Variants in CTR9 observed in about 807,000 individuals in gnomAD.
The protein encoded by CTR9 is RNA polymerase-associated protein CTR9 homolog.
Under a neutral mutation model 152.1 loss-of-function variants are expected in CTR9, and 41 were observed. The observed-to-expected ratio is 0.27, with a 90% CI of 0.21 to 0.35. The LOEUF (loss-of-function observed/expected upper bound fraction) is 0.35. CTR9 is among the 10% of genes least tolerant of loss of function. The pLI, the probability that CTR9 is intolerant of heterozygous loss-of-function variation, is 1.00. For missense variants in CTR9, 917 were observed against 1,424.4 expected (o/e 0.64, Z 5.73); for synonymous variants, 476 against 496.2 (o/e 0.96, Z 0.54).
rs570413189 is a variant in CTR9 at position 10,772,672 on chromosome 11, A to G, written c.2580+17A>G. 26 of 1,579,000 alleles carry G rather than the reference A, an allele frequency of 1.6e-5. No individual in the cohort carries two copies. The Admixed American group carries it at 3.5e-4, about 21-fold the overall frequency. ...AAAGAACAGGTATCTTGTATTTTCC[A>G]GTTATACTGGAATTAATGAATTGTG... On this transcript the variant is annotated intron_variant, in intron 20 of 24. Transcript: ENST00000361367.
At chr11:10,775,333 C>T in intron 23 of CTR9, 30 bp downstream of exon 23, 1 of 1,577,200 alleles carries the variant, frequency 6.3e-7, no homozygotes. Context: ...TTTTTCTGTC[C>T]CCTAGTAGAT....
chr11:10,754,001 C>G (rs947161420), intron 2 of CTR9, among the ~76,000 whole-genome samples: 2 of 152,112 alleles, frequency 1.3e-5, no homozygotes, highest in Admixed American at 6.6e-5. Context: ...TATGAAATTC[C>G]TTTCATGGTA....
intron 1 of CTR9, among the ~76,000 whole-genome samples, chr11:10,752,048 A>G (rs1282583440): frequency 6.6e-6 from 1 of 152,134 alleles, no homozygotes; most frequent in East Asian, 1.9e-4. Context: ...TGTCTGAGTA[A>G]AGCTCTCAGC....
intron 16 of CTR9, among the ~76,000 whole-genome samples, chr11:10,769,389 C>G (rs759495778): frequency 1.3e-5 from 2 of 152,036 alleles, no homozygotes; most frequent in African/African-American, 4.8e-5. Context: ...ATATTATGGT[C>G]AGAAAGGAAA....
Position 10,764,135 on chromosome 11 carries a change from A to C in CTR9, c.1218A>C (p.Glu406Asp), listed in dbSNP as rs751566170. ...AGGGCCATTTGAAGAAGGTCACAGA[A>C]CAGTATCCCGATGATGTTGAAGCTT... Reference protein sequence around the residue: ...IAKGHLKKVTEQYPDDVEAWI... With the variant: ...IAKGHLKKVTDQYPDDVEAWI... Residue 406 changes from glutamate to aspartate, a missense_variant, in exon 10 of 25, where the codon GAA (glutamate) becomes GAC (aspartate). By Grantham distance (45) the Glu-to-Asp change is conservative. This residue lies in a region of CTR9 where 133 missense variants were observed against 244.1 expected (regional missense o/e 0.54). Transcript: ENST00000361367. 4 of 1,614,076 alleles carry C rather than the reference A, an allele frequency of 2.5e-6. No individual in the cohort carries two copies. Among genetic ancestry groups the C allele is most frequent in the African/African-American group, 2.7e-5 (2 of 74,952 alleles).
chr11:10,760,024 TGTGATAG>T, intron 5 of CTR9, 142 bp from the exon 6 acceptor site: 2 of 780,246 alleles, frequency 2.6e-6, no homozygotes, highest in Non-Finnish European at 4.1e-6. Flanking sequence ...AAACCAAGTT[TGTGATAG>T]GTCAAAAGAT....
In CTR9 at chr11:10,770,328, TA is replaced by T. The variant is rs778088956; in HGVS notation, c.2226+7del. 3 of 1,610,748 alleles carry T rather than the reference TA, an allele frequency of 1.9e-6. No homozygotes were observed. Among genetic ancestry groups the T allele is most frequent in the South Asian group, 2.2e-5 (2 of 90,532 alleles). On this transcript the variant is annotated splice_donor_region_variant and intron_variant, in intron 17 of 24. Transcript: ENST00000361367. ...GAATGCAAACAGACTTTGCTGAAGG[TA>T]AAAAGGAGAGATGTTATTCCCATCC...
intron 23 of CTR9, 69 bp from the exon 24 acceptor site, chr11:10,775,452 C>T (rs1863217336): frequency 7.0e-7 from 1 of 1,436,424 alleles, no homozygotes; most frequent in Non-Finnish European, 9.7e-7. Context: ...CATTGTAATG[C>T]AAACCCAATT....
chr11:10,773,313 C>A (rs1467504190), intron 21 of CTR9, 40 bp downstream of exon 21: 1 of 1,595,364 alleles, frequency 6.3e-7, no homozygotes, highest in Non-Finnish European at 8.5e-7. Context: ...ACCTCATTCT[C>A]TGTCTTTTGG....
chr11:10,770,564 C>T lies in CTR9; in HGVS notation c.2304C>T (p.Val768=). 2.5e-6 allele frequency: 4 copies of T among 1,613,856 alleles called. No individual in the cohort carries two copies. Among genetic ancestry groups the T allele is most frequent in the Non-Finnish European group, 3.4e-6 (4 of 1,179,922 alleles). The part of the protein sequence containing the change: ...ALVLQRLATS[V]LKDEKSNLKE... ...TCCTGCAAAGATTAGCTACCTCTGT[C>T]CTGAAAGATGAAAAAAGTAATCTGA... The change falls in exon 18 of 25, where the codon GTC becomes GTT. Residue 768 remains valine (V), a synonymous_variant. Transcript: ENST00000361367.
At chr11:10,753,166 T>C (rs528952160) in intron 2 of CTR9, among the ~76,000 whole-genome samples, 1 of 152,332 alleles carries the variant, frequency 6.6e-6, no homozygotes, top group South Asian at 2.1e-4. Context: ...AGAATGTGAT[T>C]AGGTTCTGGG....
chr11:10,775,796 T>C (rs1863224531), intron 24 of CTR9, among the ~76,000 whole-genome samples, 163 bp downstream of exon 24: 1 of 152,196 alleles, frequency 6.6e-6, no homozygotes, highest in African/African-American at 2.4e-5. Flanking sequence ...AATAGATAAC[T>C]GGGAGTGTTG....
Position 10,764,640 on chromosome 11 carries a change from T to A in CTR9, c.1506T>A (p.Asn502Lys). 6.2e-7 allele frequency: 1 copy of A among 1,613,628 alleles called. No individual in the cohort carries two copies. Among genetic ancestry groups the A allele is most frequent in the Non-Finnish European group, 8.5e-7 (1 of 1,179,656 alleles). ...CCATTTCCGTTACCACGTCATATAA[T>A]CTCGCCAGGCTATATGAGGCGATGT... ...YNAISVTTSY[N>K]LARLYEAMCE... Residue 502 changes from asparagine (N) to lysine (K), a missense_variant, in exon 12 of 25, where the codon AAT becomes AAA. Asn to Lys is a moderately conservative substitution (Grantham distance 94). This residue lies in a region of CTR9 where 133 missense variants were observed against 244.1 expected (regional missense o/e 0.54). Transcript: ENST00000361367.
At chr11:10,756,175 G>C (rs1433950170) in intron 4 of CTR9, among the ~76,000 whole-genome samples, 1 of 152,082 alleles carries the variant, frequency 6.6e-6, no homozygotes, top group East Asian at 1.9e-4. Flanking sequence ...AAGAGTAATT[G>C]GTTATACACT....
At position 10,775,294 on chromosome 11, in the gene CTR9, G is replaced by T; in HGVS notation, c.2973G>T (p.Lys991Asn). 1 of 1,613,766 alleles carries T rather than the reference G, an allele frequency of 6.2e-7. No individual in the cohort carries two copies. Among genetic ancestry groups the T allele is most frequent in the South Asian group, 1.1e-5 (1 of 91,036 alleles). The stretch of plus-strand genomic sequence containing the variant: ...AACGACGTCCACCAAAAGCAGAGAA[G>T]AAAAAGGCTGTAAGTTTATAGTACT... ...PKKRRPPKAE[K>N]KKAPKPERLP... The change falls in exon 23 of 25, where the codon AAG becomes AAT. Residue 991 changes from lysine to asparagine, a missense_variant. This residue lies in a region of CTR9 where 384 missense variants were observed against 398.4 expected (regional missense o/e 0.96). Coordinates refer to ENST00000361367, the MANE Select transcript of CTR9 (RefSeq NM_014633.5).
chr11:10,751,307 T>G lies in CTR9; in HGVS notation c.-106T>G, dbSNP rs919795028. 6.4e-6 allele frequency: 8 copies of G among 1,242,760 alleles called. No individual in the cohort carries two copies. Among genetic ancestry groups the G allele is most frequent in the Non-Finnish European group, 9.3e-6 (8 of 855,778 alleles). 77.0% of individuals were successfully genotyped at this position (1,242,760 alleles called of 1,614,324 possible). On this transcript the variant is annotated 5_prime_UTR_variant, in exon 1 of 25. Coordinates refer to ENST00000361367, the MANE Select transcript of CTR9 (RefSeq NM_014633.5). ...CTCCAGCGGCGCCGCGGGGCGGCAG[T>G]CAAGACCAGAGCCGGAGCCGTCACT...
chr11:10,752,371 C>T (rs995061502), intron 1 of CTR9, among the ~76,000 whole-genome samples: 1 of 152,114 alleles, frequency 6.6e-6, no homozygotes. Context: ...TACTTGGATT[C>T]TATGTTAAGT....
chr11:10,763,589 A>C, intron 8 of CTR9, 51 bp downstream of exon 8: 1 of 1,566,150 alleles, frequency 6.4e-7, no homozygotes, highest in Non-Finnish European at 8.7e-7. Flanking sequence ...ATAGTGTTTT[A>C]AGTCTTTCCA....
At chr11:10,751,856 C>T (rs1278307755) in intron 1 of CTR9, among the ~76,000 whole-genome samples, 1 of 152,094 alleles carries the variant, frequency 6.6e-6, no homozygotes, top group East Asian at 1.9e-4. Context: ...CGAGATCTTT[C>T]CCTGGGAATA....
Sources: allele counts gnomAD v4.1 joint callset (sites outside exome capture counted in the v4.1 genomes callset), GRCh38; gene constraint gnomAD v4.1.1; regional missense constraint gnomAD v4.1.1; transcripts MANE v1.5; gene names NCBI Gene and HGNC (gene_info 2026-07-23, HGNC 2026-07-21).